Variants in AGBL1 observed in about 807,000 individuals in gnomAD.
AGBL1 encodes cytosolic carboxypeptidase 4.
AGBL1 carries 130 observed loss-of-function variants against 118.9 expected under a neutral mutation model. That is an observed-to-expected ratio of 1.09 (90% CI 0.95 to 1.26). The LOEUF (loss-of-function observed/expected upper bound fraction) is 1.26. Among genes scored for constraint, AGBL1 ranks in the 50% most tolerant of loss-of-function variants. AGBL1 has a pLI of 0.00. For missense variants in AGBL1, 1,584 were observed against 1,298.1 expected (o/e 1.22, Z -3.38); for synonymous variants, 555 against 478.9 (o/e 1.16, Z -2.08).
At chr15:86,558,145 C>G (rs1315351142) in intron 21 of AGBL1, among the ~76,000 whole-genome samples, 1 of 152,130 alleles carries the variant, frequency 6.6e-6, no homozygotes, top group East Asian at 1.9e-4. Flanking sequence ...ATTCTAATAA[C>G]AGATGATAAT....
chr15:86,751,697 G>A (rs190141285), intron 22 of AGBL1, among the ~76,000 whole-genome samples: 14 of 152,232 alleles, frequency 9.2e-5, no homozygotes, highest in Admixed American at 8.5e-4. Flanking sequence ...TCTTATAGAT[G>A]AAAACTGTAT....
chr15:86,980,608 T>A (rs1214157226), intron 23 of AGBL1, among the ~76,000 whole-genome samples: 1 of 152,156 alleles, frequency 6.6e-6, no homozygotes, highest in Non-Finnish European at 1.5e-5. Context: ...AGAGATTTTT[T>A]GAGAAAATAT....
intron 18 of AGBL1, among the ~76,000 whole-genome samples, chr15:86,452,248 C>T (rs2082202686): frequency 6.6e-6 from 1 of 152,150 alleles, no homozygotes; most frequent in African/African-American, 2.4e-5. Flanking sequence ...GGCCAAGTGG[C>T]CACATGTTTG....
At chr15:86,723,295 C>A (rs1369174017) in intron 22 of AGBL1, among the ~76,000 whole-genome samples, 1 of 152,164 alleles carries the variant, frequency 6.6e-6, no homozygotes, top group Non-Finnish European at 1.5e-5. Context: ...GAAAATGTGG[C>A]ACATATACAC....
chr15:86,498,869 C>T (rs1406587092), intron 18 of AGBL1, among the ~76,000 whole-genome samples: 3 of 151,888 alleles, frequency 2.0e-5, no homozygotes, highest in African/African-American at 7.2e-5. Flanking sequence ...TGCCAAAGTA[C>T]AGGCCTGAAT....
intron 22 of AGBL1, among the ~76,000 whole-genome samples, chr15:86,772,314 C>T (rs1317385159): frequency 2.0e-5 from 3 of 152,002 alleles, no homozygotes; most frequent in African/African-American, 7.2e-5. Flanking sequence ...AGCATATTAC[C>T]CAAGCAGCAC....
At chr15:86,342,728 G>C (rs981588531) in intron 17 of AGBL1, among the ~76,000 whole-genome samples, 6 of 152,100 alleles carry the variant, frequency 3.9e-5, no homozygotes, top group African/African-American at 1.2e-4. Context: ...TTCCTCCTCT[G>C]TATGTTTGTT....
intron 1 of AGBL1, among the ~76,000 whole-genome samples, chr15:86,110,607 G>T (rs1897320683): frequency 6.6e-6 from 1 of 152,096 alleles, no homozygotes; most frequent in African/African-American, 2.4e-5. Flanking sequence ...TCATACCCAT[G>T]CTGTCCAAGG....
At chr15:86,776,106 A>T (rs1003095817) in intron 22 of AGBL1, among the ~76,000 whole-genome samples, 3 of 152,014 alleles carry the variant, frequency 2.0e-5, no homozygotes, top group African/African-American at 4.8e-5. Flanking sequence ...CCTCTTGTTC[A>T]CTCAACATGT....
intron 23 of AGBL1, among the ~76,000 whole-genome samples, chr15:86,945,435 G>A (rs575484900): frequency 7.9e-5 from 12 of 152,034 alleles, no homozygotes; most frequent in African/African-American, 2.7e-4. Flanking sequence ...TTGGGGAGCC[G>A]AGGCAGGTAG....
chr15:86,390,552 A>G (rs961201626), intron 17 of AGBL1, among the ~76,000 whole-genome samples: 1 of 152,114 alleles, frequency 6.6e-6, no homozygotes, highest in Non-Finnish European at 1.5e-5. Flanking sequence ...ACCTTGGAAT[A>G]CGACTCAGTG....
chr15:86,980,091 C>G (rs1417033991), intron 23 of AGBL1, among the ~76,000 whole-genome samples: 1 of 152,162 alleles, frequency 6.6e-6, no homozygotes, highest in Non-Finnish European at 1.5e-5. Flanking sequence ...CCTTTGTCAT[C>G]TTATTTGATT....
chr15:86,297,845 G>T (rs71399821), intron 17 of AGBL1, among the ~76,000 whole-genome samples: 1 of 152,046 alleles, frequency 6.6e-6, no homozygotes, highest in East Asian at 1.9e-4. Context: ...CACAACAAAC[G>T]TGCTGACTCC....
At chr15:86,551,932 AG>A (rs1300074449) in intron 20 of AGBL1, among the ~76,000 whole-genome samples, 3 of 152,242 alleles carry the variant, frequency 2.0e-5, no homozygotes, top group African/African-American at 7.2e-5. Flanking sequence ...TTCTGGAGAA[AG>A]CAAAACCATG....
At chr15:86,450,531 A>T (rs1213437753) in intron 18 of AGBL1, among the ~76,000 whole-genome samples, 1 of 152,170 alleles carries the variant, frequency 6.6e-6, no homozygotes, top group Non-Finnish European at 1.5e-5. Flanking sequence ...AACCTACAGA[A>T]ATTTTGAACA....
intron 22 of AGBL1, among the ~76,000 whole-genome samples, chr15:86,789,213 T>C (rs1596482067): frequency 6.6e-6 from 1 of 152,356 alleles, no homozygotes; most frequent in Middle Eastern, 3.4e-3. Flanking sequence ...GTGCTCCTAA[T>C]CTGGAGTCCC....
Position 86,567,738 on chromosome 15 carries a change from T to C in AGBL1, c.2994+13201T>C, listed in dbSNP as rs1187651130. 6.6e-5 allele frequency among the ~76,000 whole-genome samples: 10 copies of C among 152,322 alleles called. No homozygotes were observed. The East Asian group carries it at 7.7e-4, about 12-fold the overall frequency. On this transcript the variant is annotated intron_variant, in intron 21 of 22. Transcript: ENST00000614907. Reference sequence around the variant, plus strand: ...GATTGAGGACCACCTCAAACCTTAGTGTGCATGAGAATCACTTGTGGAGTT... The same window carrying C: ...GATTGAGGACCACCTCAAACCTTAGCGTGCATGAGAATCACTTGTGGAGTT...
chr15:86,635,321 TCCTCCTCCTC>T (rs2085063857), intron 21 of AGBL1, among the ~76,000 whole-genome samples: 1 of 88,440 alleles, frequency 1.1e-5, no homozygotes, highest in Non-Finnish European at 2.1e-5. Flanking sequence ...CTCCTCCTCC[TCCTCCTCCTC>T]CTCCTCCTAC....
intron 22 of AGBL1, among the ~76,000 whole-genome samples, chr15:86,690,808 G>A (rs1490172006): frequency 1.3e-5 from 2 of 152,060 alleles, no homozygotes; most frequent in African/African-American, 4.8e-5. Context: ...CTGTCCAATA[G>A]CATGGGTGCT....
Sources: gnomAD v4.1 joint callset for allele counts (sites outside exome capture counted in the v4.1 genomes callset) on GRCh38, gnomAD v4.1.1 for gene constraint, MANE v1.5 for transcripts, NCBI Gene and HGNC (gene_info 2026-07-23, HGNC 2026-07-21) for gene names.